FARS2: variants seen among roughly 807,000 people sequenced by gnomAD.
The protein encoded by FARS2 is phenylalanine--tRNA ligase, mitochondrial.
FARS2 carries 40 observed loss-of-function variants against 46.4 expected under a neutral mutation model. That is an observed-to-expected ratio of 0.86 (90% CI 0.67 to 1.12). The LOEUF is 1.12. Ranked by LOEUF, FARS2 falls within the 50% of genes most tolerant of loss-of-function variation. The probability of loss-of-function intolerance (pLI) is 0.00; values close to 1 mark genes in which losing one functional copy is unlikely to be tolerated. For synonymous variants in FARS2, 234 were observed against 214.9 expected, an observed-to-expected ratio of 1.09 and a Z score of -0.78; for missense variants, 513 against 567.9, an observed-to-expected ratio of 0.90 and a Z score of 0.98.
At chr6:5,462,652 T>C (rs1443040195) in intron 4 of FARS2, among the ~76,000 whole-genome samples, 2 of 152,230 alleles carry the variant, frequency 1.3e-5, no homozygotes, top group Non-Finnish European at 2.9e-5. Context: ...TCCTTCCCCA[T>C]TGAATTGCCT....
At chr6:5,636,931 C>T (rs983147913) in intron 6 of FARS2, among the ~76,000 whole-genome samples, 4 of 152,238 alleles carry the variant, frequency 2.6e-5, no homozygotes, top group African/African-American at 4.8e-5. Flanking sequence ...GTGAGCACAG[C>T]GTGCCCCAGG....
chr6:5,344,243 T>G (rs1401876850), intron 1 of FARS2, among the ~76,000 whole-genome samples: 1 of 152,186 alleles, frequency 6.6e-6, no homozygotes, highest in African/African-American at 2.4e-5. Context: ...TGGGCGTATC[T>G]GCTTGCTAAT....
chr6:5,700,112 C>T (rs1561809022), intron 6 of FARS2, among the ~76,000 whole-genome samples: 1 of 152,104 alleles, frequency 6.6e-6, no homozygotes, highest in Non-Finnish European at 1.5e-5. Flanking sequence ...CTGGAGAGGG[C>T]CTAGGATGAC....
intron 4 of FARS2, among the ~76,000 whole-genome samples, chr6:5,468,300 C>G (rs1765620972): frequency 6.6e-6 from 1 of 150,728 alleles, no homozygotes; most frequent in South Asian, 2.1e-4. Context: ...CCAGGGTTAG[C>G]TCAAGATTTC....
the FARS2 span, among the ~76,000 whole-genome samples, chr6:5,253,849 C>T: frequency 2.4e-4 from 35 of 144,598 alleles, no homozygotes; most frequent in South Asian, 7.0e-3. Flanking sequence ...AAAAAAAAAA[C>T]CATCGTTTTG....
intron 6 of FARS2, among the ~76,000 whole-genome samples, chr6:5,685,713 C>G (rs7746913): frequency 0.48 from 73,155 of 151,894 alleles, 17,965 homozygotes; most frequent in East Asian, 0.72. Flanking sequence ...GGGGAACATG[C>G]TATACCCTCT....
chr6:5,722,718 G>GT (rs1200798108), intron 6 of FARS2, among the ~76,000 whole-genome samples: 1 of 152,114 alleles, frequency 6.6e-6, no homozygotes, highest in Non-Finnish European at 1.5e-5. Flanking sequence ...TTTATTCTGA[G>GT]TGCAACGAGG....
At chr6:5,364,305 G>A (rs989426443) in intron 1 of FARS2, among the ~76,000 whole-genome samples, 11 of 152,084 alleles carry the variant, frequency 7.2e-5, no homozygotes, top group African/African-American at 1.9e-4. Context: ...GTCAAATAAC[G>A]TTTCTAAGGA....
At chr6:5,527,761 A>G (rs1171606509) in intron 4 of FARS2, among the ~76,000 whole-genome samples, 1 of 152,218 alleles carries the variant, frequency 6.6e-6, no homozygotes, top group African/African-American at 2.4e-5. Flanking sequence ...ACAACAAACA[A>G]TCAAACAAAA....
intron 1 of FARS2, among the ~76,000 whole-genome samples, chr6:5,358,055 A>G (rs1354251542): frequency 1.3e-5 from 2 of 152,180 alleles, no homozygotes; most frequent in African/African-American, 2.4e-5. Context: ...CATTTAGAGA[A>G]TCTTATAAAT....
chr6:5,706,995 G>GTTTTGT (rs1032294595), intron 6 of FARS2, among the ~76,000 whole-genome samples: 1 of 152,218 alleles, frequency 6.6e-6, no homozygotes, highest in African/African-American at 2.4e-5. Context: ...GAACCAAAAT[G>GTTTTGT]TTTTGTTTTT....
chr6:5,376,790 T>G (rs1199461276), intron 2 of FARS2, among the ~76,000 whole-genome samples: 2 of 152,220 alleles, frequency 1.3e-5, no homozygotes, highest in African/African-American at 4.8e-5. Flanking sequence ...TTGCTTATAT[T>G]CTTTCTCATC....
At chr6:5,487,927 T>C (rs1355946013) in intron 4 of FARS2, among the ~76,000 whole-genome samples, 1 of 152,190 alleles carries the variant, frequency 6.6e-6, no homozygotes, top group African/African-American at 2.4e-5. Context: ...ATGAGCAGAC[T>C]GACTTCCATA....
chr6:5,721,654 C>T (rs924507973), intron 6 of FARS2, among the ~76,000 whole-genome samples: 1 of 152,192 alleles, frequency 6.6e-6, no homozygotes, highest in African/African-American at 2.4e-5. Flanking sequence ...AGTATCATCA[C>T]CAATCCTATC....
intron 2 of FARS2, among the ~76,000 whole-genome samples, chr6:5,382,848 A>G (rs145853626): frequency 9.8e-5 from 15 of 152,348 alleles, no homozygotes; most frequent in Middle Eastern, 3.4e-3. Flanking sequence ...GAGAAGCAGA[A>G]GAGCCAATGG....
chr6:5,506,745 T>C (rs1768123422), intron 4 of FARS2, among the ~76,000 whole-genome samples: 1 of 152,214 alleles, frequency 6.6e-6, no homozygotes, highest in Non-Finnish European at 1.5e-5. Context: ...AGAAAGGTCA[T>C]CTGCTTCAGT....
chr6:5,378,758 CA>C (rs1759554390), intron 2 of FARS2, among the ~76,000 whole-genome samples: 2 of 152,314 alleles, frequency 1.3e-5, no homozygotes, highest in South Asian at 4.1e-4. Flanking sequence ...TTGTCCCTGT[CA>C]AAGACACACT....
chr6:5,422,928 G>T (rs912119520), intron 3 of FARS2, among the ~76,000 whole-genome samples: 1 of 152,200 alleles, frequency 6.6e-6, no homozygotes, highest in Non-Finnish European at 1.5e-5. Flanking sequence ...TCCCCATGCT[G>T]AATTGTCACA....
intron 4 of FARS2, among the ~76,000 whole-genome samples, chr6:5,529,617 A>G (rs1205059141): frequency 6.6e-6 from 1 of 152,176 alleles, no homozygotes; most frequent in East Asian, 1.9e-4. Context: ...AAGTCACAGT[A>G]ATTATCATTT....
Sources: gnomAD v4.1 joint callset for allele counts (sites outside exome capture counted in the v4.1 genomes callset) on GRCh38, gnomAD v4.1.1 for gene constraint, MANE v1.5 for transcripts, NCBI Gene and HGNC (gene_info 2026-07-23, HGNC 2026-07-21) for gene names.